The following SOS1 variants were observed in gnomAD, a reference collection of about 807,000 sequenced individuals.
The protein encoded by SOS1 is SOS Ras/Rac guanine nucleotide exchange factor 1.
Under a neutral mutation model 157.6 loss-of-function variants are expected in SOS1, and 25 were observed. That is an observed-to-expected ratio of 0.16 (90% confidence interval 0.12 to 0.22). The LOEUF (loss-of-function observed/expected upper bound fraction) is 0.22. Ranked by LOEUF, SOS1 falls within the 10% of genes least tolerant of loss-of-function variation. The pLI, the probability that SOS1 is intolerant of heterozygous loss-of-function variation, is 1.00. For synonymous variants in SOS1, 528 were observed against 534.0 expected (o/e 0.99, Z 0.16); for missense variants, 1,237 against 1,599.1 (o/e 0.77, Z 3.86).
intron 2 of SOS1, among the ~76,000 whole-genome samples, chr2:39,061,736 T>C (rs533782889): frequency 5.3e-5 from 8 of 152,260 alleles, no homozygotes; most frequent in South Asian, 2.1e-4. Flanking sequence ...CAATGAAAGA[T>C]TCATGAATTA....
chr2:39,105,911 G>C (rs1336499926), intron 1 of SOS1, among the ~76,000 whole-genome samples: 1 of 151,416 alleles, frequency 6.6e-6, no homozygotes, highest in Non-Finnish European at 1.5e-5. Context: ...AAAAGAAAAA[G>C]AAAAATCAAA....
At position 39,120,477 on chromosome 2, in the gene SOS1, G is replaced by A. The variant is rs1360203290; in HGVS notation, c.-55C>T. The A allele has an allele frequency of 1.0e-5, 15 of 1,464,892 alleles. No individual in the cohort carries two copies. In the South Asian group the frequency reaches 1.3e-4, roughly 13 times the overall value. The allele number at this position is 1,464,892 out of a possible 1,614,324, so 90.7% of individuals were successfully genotyped here. On this transcript the variant is annotated 5_prime_UTR_variant, in exon 1 of 23. Transcript: ENST00000402219. ...GAGGGGCGGCGGCGGCCGGGCCAGG[G>A]AGCCGCGAGAGGGCGAGCTCGCAGC...
intron 1 of SOS1, among the ~76,000 whole-genome samples, chr2:39,098,630 C>T (rs1204441078): frequency 2.0e-5 from 3 of 152,238 alleles, no homozygotes; most frequent in African/African-American, 7.2e-5. Flanking sequence ...TGGCTCACGC[C>T]TGTAATCCCA....
chr2:39,001,796 G>A (rs1669107895), intron 17 of SOS1, among the ~76,000 whole-genome samples: 1 of 152,074 alleles, frequency 6.6e-6, no homozygotes. Flanking sequence ...AACTGACCAG[G>A]GTCAGTTGTA....
intron 1 of SOS1, among the ~76,000 whole-genome samples, chr2:39,086,809 CGTT>C (rs369867345): frequency 9.9e-5 from 15 of 152,066 alleles, no homozygotes; most frequent in African/African-American, 2.2e-4. Context: ...GTCACAGTTG[CGTT>C]GTTGTTCTTT....
At chr2:38,988,996 T>C (rs945853339) in intron 21 of SOS1, among the ~76,000 whole-genome samples, 9 of 151,522 alleles carry the variant, frequency 5.9e-5, no homozygotes, top group African/African-American at 2.2e-4. Context: ...AACTCTATAG[T>C]TGGAAAAAAG....
intron 17 of SOS1, among the ~76,000 whole-genome samples, chr2:38,999,463 C>T (rs1558461926): frequency 6.6e-6 from 1 of 152,192 alleles, no homozygotes; most frequent in Non-Finnish European, 1.5e-5. Flanking sequence ...TGAAATCTGA[C>T]ATCAATGCCT....
chr2:39,003,957 C>T (rs1319172913), intron 17 of SOS1, among the ~76,000 whole-genome samples: 1 of 152,120 alleles, frequency 6.6e-6, no homozygotes, highest in African/African-American at 2.4e-5. Flanking sequence ...GCCTGTAGCA[C>T]CATCCCAATT....
At chr2:39,030,609 T>C (rs1479615365) in intron 8 of SOS1, among the ~76,000 whole-genome samples, 1 of 152,078 alleles carries the variant, frequency 6.6e-6, no homozygotes, top group African/African-American at 2.4e-5. Flanking sequence ...AGCCAGCGTA[T>C]AAAGCCAATG....
At chr2:39,095,128 A>C (rs1322426779) in intron 1 of SOS1, among the ~76,000 whole-genome samples, 4 of 152,220 alleles carry the variant, frequency 2.6e-5, no homozygotes, top group Non-Finnish European at 4.4e-5. Context: ...CTCAGTTACA[A>C]ACCAGCTGTT....
intron 1 of SOS1, among the ~76,000 whole-genome samples, chr2:39,111,193 A>G (rs1673422004): frequency 1.3e-5 from 2 of 152,348 alleles, no homozygotes; most frequent in South Asian, 4.1e-4. Context: ...AGATTGTGCC[A>G]CTGCACTCCA....
Position 38,985,615 on chromosome 2 carries a change from G to A in SOS1, c.*209C>T, listed in dbSNP as rs1367258096. 1 of 583,220 alleles carries A rather than the reference G, an allele frequency of 1.7e-6. No homozygotes were observed. The highest frequency in any genetic ancestry group is 1.9e-5 in the African/African-American group (1 of 53,440). The allele number at this position is 583,220 out of a possible 1,614,324, so 36.1% of individuals were successfully genotyped here. A position where few individuals can be genotyped will look rare whatever the true frequency, so the allele number is the denominator to read the frequency against. On this transcript the variant is annotated 3_prime_UTR_variant, in exon 23 of 23. Transcript: ENST00000402219. ...TGCAATCAGTTGTCCAATTCCTCTAGGTCGGTCTTTCCATATTCTAAACTG... is the reference window on the plus strand; with the variant it reads ...TGCAATCAGTTGTCCAATTCCTCTAAGTCGGTCTTTCCATATTCTAAACTG...
intron 6 of SOS1, among the ~76,000 whole-genome samples, chr2:39,043,486 C>A (rs879357544): frequency 6.6e-6 from 1 of 152,128 alleles, no homozygotes; most frequent in Non-Finnish European, 1.5e-5. Context: ...TAACAATTTG[C>A]AAAAGAGTAA....
chr2:38,986,949 A>C (rs1668576967), intron 22 of SOS1, among the ~76,000 whole-genome samples: 1 of 152,192 alleles, frequency 6.6e-6, no homozygotes, highest in Non-Finnish European at 1.5e-5. Context: ...TAATGAATTA[A>C]GTTTAACAGC....
intron 1 of SOS1, among the ~76,000 whole-genome samples, chr2:39,116,112 T>C (rs1426129136): frequency 1.3e-5 from 2 of 152,240 alleles, no homozygotes; most frequent in Non-Finnish European, 2.9e-5. Flanking sequence ...TACTTACACA[T>C]CTAGAAGTTC....
At chr2:39,041,349 A>G (rs748132833) in intron 6 of SOS1, among the ~76,000 whole-genome samples, 23 of 152,198 alleles carry the variant, frequency 1.5e-4, no homozygotes, top group Admixed American at 9.2e-4. Flanking sequence ...GGCCATTTAT[A>G]TATCTTCATT....
chr2:39,116,911 A>T (rs1055358611), intron 1 of SOS1, among the ~76,000 whole-genome samples: 7 of 152,188 alleles, frequency 4.6e-5, no homozygotes, highest in South Asian at 2.1e-4. Context: ...CCAAGAAAAA[A>T]TTTAAATTCC....
intron 6 of SOS1, among the ~76,000 whole-genome samples, chr2:39,045,170 G>A (rs1433587872): frequency 1.3e-5 from 2 of 151,560 alleles, no homozygotes; most frequent in Non-Finnish European, 2.9e-5. Context: ...TCAATCCACA[G>A]TCGGTTGAAT....
intron 15 of SOS1, 26 bp from the exon 16 acceptor site, chr2:39,007,219 A>C (rs921586708): frequency 7.0e-7 from 1 of 1,423,152 alleles, no homozygotes; most frequent in Non-Finnish European, 9.9e-7. Context: ...AAGTGAACTA[A>C]AGGTTTTAGA....
Sources: gnomAD v4.1 joint callset for allele counts (sites outside exome capture counted in the v4.1 genomes callset) on GRCh38, gnomAD v4.1.1 for gene constraint, MANE v1.5 for transcripts, NCBI Gene and HGNC (gene_info 2026-07-23, HGNC 2026-07-21) for gene names.